THRB: variants seen among roughly 807,000 people sequenced by gnomAD.
The protein encoded by THRB is nuclear receptor subfamily 1 group A member 2.
THRB carries 12 observed loss-of-function variants against 47.8 expected under a neutral mutation model. The observed-to-expected ratio is 0.25, with a 90% CI of 0.16 to 0.41. THRB has a LOEUF of 0.41. Among genes scored for constraint, THRB ranks in the 10% least tolerant of loss-of-function variants. THRB has a pLI of 1.00. For synonymous variants in THRB, 218 were observed against 212.2 expected, an observed-to-expected ratio of 1.03 and a Z score of -0.24; for missense variants, 348 against 589.2, an observed-to-expected ratio of 0.59 and a Z score of 4.24.
chr3:24,185,065 A>AT (rs935810101), intron 5 of THRB, among the ~76,000 whole-genome samples: 53 of 152,090 alleles, frequency 3.5e-4, no homozygotes, highest in South Asian at 2.1e-4. Flanking sequence ...GATTTGATTC[A>AT]TTTTTTTTGT....
intron 1 of THRB, among the ~76,000 whole-genome samples, chr3:24,402,804 T>C (rs1198810818): frequency 1.3e-5 from 2 of 151,944 alleles, no homozygotes; most frequent in African/African-American, 2.4e-5. Context: ...AAATGTCAAC[T>C]CCGCCTTTTT....
At position 24,136,155 on chromosome 3, in the gene THRB, T is replaced by A. The variant is rs75587237; in HGVS notation, c.739-2693A>T. On this transcript the variant is annotated intron_variant, in intron 8 of 10. Coordinates refer to ENST00000646209, the MANE Select transcript of THRB (RefSeq NM_001354712.2). ...AGGAGAGAAAGTATGCAAGGAAATATGGCAATTTTAAGTAAAACTAAACCC... is the reference window on the plus strand; with the variant it reads ...AGGAGAGAAAGTATGCAAGGAAATAAGGCAATTTTAAGTAAAACTAAACCC... Among the ~76,000 whole-genome samples, 151 of 152,250 alleles carry A rather than the reference T, an allele frequency of 9.9e-4. 4 individuals carry two copies. The East Asian group carries it at 0.019, about 19-fold the overall frequency.
chr3:24,446,169 T>A (rs895200802), intron 1 of THRB, among the ~76,000 whole-genome samples: 1 of 152,232 alleles, frequency 6.6e-6, no homozygotes, highest in African/African-American at 2.4e-5. Flanking sequence ...CTGGACACAC[T>A]GGTCATGACC....
chr3:24,357,770 T>C (rs1241283361), intron 1 of THRB, among the ~76,000 whole-genome samples: 3 of 152,188 alleles, frequency 2.0e-5, no homozygotes, highest in African/African-American at 4.8e-5. Context: ...TTTTAGGTTG[T>C]ACGCTGTTCT....
chr3:24,471,448 A>G (rs2074562962), intron 1 of THRB, among the ~76,000 whole-genome samples: 1 of 152,210 alleles, frequency 6.6e-6, no homozygotes, highest in Admixed American at 6.5e-5. Context: ...GTCTTTTAGA[A>G]TTTGGGCCTC....
intron 1 of THRB, among the ~76,000 whole-genome samples, chr3:24,358,338 G>A (rs1027414610): frequency 1.3e-5 from 2 of 152,018 alleles, no homozygotes; most frequent in African/African-American, 2.4e-5. Flanking sequence ...TGGGTTTTGT[G>A]TCTTGCTTAG....
At chr3:24,294,741 C>G (rs1316299118) in intron 3 of THRB, among the ~76,000 whole-genome samples, 2 of 152,178 alleles carry the variant, frequency 1.3e-5, no homozygotes, top group African/African-American at 4.8e-5. Context: ...AACCCACTAC[C>G]TTGGAGTTCC....
chr3:24,250,297 T>G (rs1238675296), intron 3 of THRB, among the ~76,000 whole-genome samples: 1 of 152,204 alleles, frequency 6.6e-6, no homozygotes, highest in African/African-American at 2.4e-5. Context: ...GCAGGTAGTA[T>G]TGACTGCCTG....
intron 3 of THRB, among the ~76,000 whole-genome samples, chr3:24,261,318 T>G (rs947484635): frequency 2.0e-5 from 3 of 151,868 alleles, no homozygotes; most frequent in Admixed American, 6.6e-5. Flanking sequence ...CTGGCCAACA[T>G]GGTGAAACCC....
At chr3:24,282,765 C>T (rs1304079646) in intron 3 of THRB, among the ~76,000 whole-genome samples, 1 of 149,762 alleles carries the variant, frequency 6.7e-6, no homozygotes. Flanking sequence ...CACCACCGAT[C>T]CCACAGAAAT....
At chr3:24,468,310 T>C (rs1368807861) in intron 1 of THRB, among the ~76,000 whole-genome samples, 3 of 152,232 alleles carry the variant, frequency 2.0e-5, no homozygotes, top group Non-Finnish European at 4.4e-5. Flanking sequence ...TGTTTCACTT[T>C]CTTATCATTC....
At chr3:24,249,076 G>A (rs35397885) in intron 3 of THRB, among the ~76,000 whole-genome samples, 1,674 of 152,260 alleles carry the variant, frequency 0.011, 22 homozygotes, top group African/African-American at 0.038. Context: ...AAACAACACC[G>A]TTGACTTAAT....
In THRB at chr3:24,346,456, T is replaced by G. The variant is rs573136197; in HGVS notation, c.-260-9085A>C. Among the ~76,000 whole-genome samples, 99 of 152,144 alleles carry G rather than the reference T, an allele frequency of 6.5e-4. 1 individual carries two copies. In the South Asian group the frequency reaches 0.02, roughly 30 times the overall value. On this transcript the variant is annotated intron_variant, in intron 1 of 10. Transcript: ENST00000646209. ...AATAAAATGTCAAAGAGTAATATGA[T>G]GGATTATAACCCAGATATATCAGTA...
chr3:24,176,460 A>T (rs1196560810), intron 5 of THRB, among the ~76,000 whole-genome samples: 1 of 152,196 alleles, frequency 6.6e-6, no homozygotes, highest in African/African-American at 2.4e-5. Context: ...TGAACAATTG[A>T]ATCACCTGCA....
intron 1 of THRB, among the ~76,000 whole-genome samples, chr3:24,456,180 T>A (rs1020264123): frequency 2.6e-5 from 4 of 151,768 alleles, no homozygotes; most frequent in East Asian, 3.9e-4. Flanking sequence ...AAAAATTTTT[T>A]AAAAATTAAC....
chr3:24,421,492 T>C (rs763911578), intron 1 of THRB, among the ~76,000 whole-genome samples: 2 of 151,848 alleles, frequency 1.3e-5, no homozygotes, highest in Non-Finnish European at 2.9e-5. Context: ...TGAGGACTTA[T>C]GTGTTGGCTG....
chr3:24,415,473 C>T (rs1162302793), intron 1 of THRB, among the ~76,000 whole-genome samples: 1 of 151,790 alleles, frequency 6.6e-6, no homozygotes, highest in East Asian at 2.0e-4. Flanking sequence ...AAATTTAGTG[C>T]TCTCTAATCA....
chr3:24,325,142 T>G (rs1306691577), intron 2 of THRB, among the ~76,000 whole-genome samples: 6 of 152,208 alleles, frequency 3.9e-5, no homozygotes, highest in African/African-American at 1.4e-4. Context: ...ACACATAGTC[T>G]ATCAGATGAA....
chr3:24,356,677 T>A (rs1378478638), intron 1 of THRB, among the ~76,000 whole-genome samples: 3 of 151,268 alleles, frequency 2.0e-5, no homozygotes, highest in African/African-American at 7.4e-5. Context: ...GCCACTTCCA[T>A]GCTTTCAGGT....
Sources: allele counts gnomAD v4.1 joint callset (sites outside exome capture counted in the v4.1 genomes callset), GRCh38; gene constraint gnomAD v4.1.1; transcripts MANE v1.5; gene names NCBI Gene and HGNC (gene_info 2026-07-23, HGNC 2026-07-21).